The following NKIRAS2 variants were observed in gnomAD, a reference collection of about 807,000 sequenced individuals.
NKIRAS2 encodes NFKB inhibitor interacting Ras like 2, also known as NF-kappa-B inhibitor-interacting Ras-like protein 2.
NKIRAS2 carries 15 observed loss-of-function variants against 20.7 expected under a neutral mutation model. That is an observed-to-expected ratio of 0.73 (90% CI 0.49 to 1.12). The LOEUF is 1.12. NKIRAS2 is among the 50% of genes most tolerant of loss of function. NKIRAS2 has a pLI of 0.00. For synonymous variants in NKIRAS2, 116 were observed against 101.4 expected, an observed-to-expected ratio of 1.14 and a Z score of -0.87; for missense variants, 196 against 249.6, an observed-to-expected ratio of 0.79 and a Z score of 1.45.
In NKIRAS2 at chr17:42,022,477, G is replaced by A. The variant is rs782740704; in HGVS notation, c.173G>A (p.Arg58His). 54 of 1,613,532 alleles carry A rather than the reference G, an allele frequency of 3.3e-5. No individual in the cohort carries two copies. The highest frequency in any genetic ancestry group is 4.4e-5 in the Non-Finnish European group (52 of 1,179,606). ...ETDRGVREQV[R>H]FYDTRGLRDG... Reference sequence around the variant, plus strand: ...GACCGGGGGGTGCGAGAGCAGGTGCGTTTCTATGACACCCGGGGGCTCCGA... The same window carrying A: ...GACCGGGGGGTGCGAGAGCAGGTGCATTTCTATGACACCCGGGGGCTCCGA... Residue 58 changes from arginine (R) to histidine (H), a missense_variant, in exon 3 of 4, where the codon CGT becomes CAT. Arg to His is a conservative substitution (Grantham distance 29, BLOSUM62 0). Transcript: ENST00000393885.
chr17:42,017,783 G>A (rs2052347973), upstream of NKIRAS2: 1 of 330,046 alleles, frequency 3.0e-6, no homozygotes, highest in Non-Finnish European at 5.7e-6. Context: ...TGGAGTCTGG[G>A]TTGCGTGGGG....
At chr17:42,018,848 G>T (rs2143417316), upstream of NKIRAS2, among the ~76,000 whole-genome samples, 1 of 152,144 alleles carries the variant, frequency 6.6e-6, no homozygotes, top group South Asian at 2.1e-4. Context: ...CTATCTACTG[G>T]ATATCTCTTG....
chr17:42,025,133 CG>C lies in NKIRAS2; in HGVS notation c.*1241del, dbSNP rs2052546193. 6.6e-6 allele frequency: 1 copy of C among 152,620 alleles called. No homozygotes were observed. Among genetic ancestry groups the C allele is most frequent in the Admixed American group, 6.5e-5 (1 of 15,282 alleles). The allele number at this position is 152,620 out of a possible 1,614,324, so 9.5% of individuals were successfully genotyped here. ...ACCTGCTGTCAGTCACCAGAGTGGC[CG>C]CTCAGTGCCCAGCCCGCCAGCCTCG... On this transcript the variant is annotated 3_prime_UTR_variant, in exon 4 of 4. Coordinates refer to ENST00000393885, the MANE Select transcript of NKIRAS2 (RefSeq NM_017595.6).
In NKIRAS2 at chr17:42,022,629, G is replaced by T; in HGVS notation, c.325G>T (p.Asp109Tyr). 6.2e-7 allele frequency: 1 copy of T among 1,612,782 alleles called. No individual in the cohort carries two copies. Among genetic ancestry groups the T allele is most frequent in the Non-Finnish European group, 8.5e-7 (1 of 1,178,934 alleles). The change falls in exon 3 of 4, where the codon GAC becomes TAC. Residue 109 changes from aspartate to tyrosine, a missense_variant. By Grantham distance (160) the Asp-to-Tyr change is radical. Coordinates refer to ENST00000393885, the MANE Select transcript of NKIRAS2 (RefSeq NM_017595.6). ...CAAGAAGGAGATTGACAAATCCAAG[G>T]ACAAGAAGGAGGTGTGTGGCATAGG... ...LLKKEIDKSKDKKEVTIVVLG... is the reference protein window; with the variant it reads ...LLKKEIDKSKYKKEVTIVVLG...
rs1282701013 is a variant in NKIRAS2 at position 42,024,777 on chromosome 17, G to GA, written c.*898dup. ...CAACAGAGCAAGACTCCATCTCGAA[G>GA]AAAAAAAAAAAAAATTCCCCACCCC... On this transcript the variant is annotated 3_prime_UTR_variant, in exon 4 of 4. Coordinates refer to ENST00000393885, the MANE Select transcript of NKIRAS2 (RefSeq NM_017595.6). The GA allele has an allele frequency of 3.6e-5, 2 of 54,840 alleles. No homozygotes were observed. Among genetic ancestry groups the GA allele is most frequent in the Non-Finnish European group, 1.0e-4 (2 of 19,752 alleles). 3.4% of individuals were successfully genotyped at this position (54,840 alleles called of 1,614,324 possible).
rs1184488158 is a variant in NKIRAS2, at chr17:42,024,944, C to T, written c.*1051C>T. ...TTCCCCTCTCTGGGCATCAGTTTCT[C>T]ATCTGTAAGATGACCAGAGTTGCTT... On this transcript the variant is annotated 3_prime_UTR_variant, in exon 4 of 4. Transcript: ENST00000393885. 6.5e-6 allele frequency: 1 copy of T among 152,674 alleles called. No homozygotes were observed. The highest frequency in any genetic ancestry group is 1.5e-5 in the Non-Finnish European group (1 of 68,060). The allele number at this position is 152,674 out of a possible 1,614,324, so 9.5% of individuals were successfully genotyped here.
intron 3 of NKIRAS2, chr17:42,023,148 G>A: frequency 3.5e-6 from 1 of 284,868 alleles, no homozygotes; most frequent in Non-Finnish European, 7.2e-6. Context: ...ACAGGTGCAT[G>A]CCACCACACC....
In NKIRAS2 at chr17:42,023,998, C is replaced by T; in HGVS notation, c.*105C>T. 6.7e-6 allele frequency: 10 copies of T among 1,492,554 alleles called. No homozygotes were observed. Among genetic ancestry groups the T allele is most frequent in the Non-Finnish European group, 8.9e-6 (10 of 1,123,494 alleles). 92.5% of individuals were successfully genotyped at this position (1,492,554 alleles called of 1,614,324 possible). A position where few individuals can be genotyped will look rare whatever the true frequency, so the allele number is the denominator to read the frequency against. On this transcript the variant is annotated 3_prime_UTR_variant, in exon 4 of 4. Transcript: ENST00000393885. ...AGGACAAGCTGTCTTTCCCAGTCAG[C>T]CAGGGAGCTCCCCGCCAGGCCACGC...
Position 42,023,968 on chromosome 17 carries a change from A to C in NKIRAS2, c.*75A>C. The C allele has an allele frequency of 6.4e-7, 1 of 1,559,576 alleles. No individual in the cohort carries two copies. Among genetic ancestry groups the C allele is most frequent in the Non-Finnish European group, 8.7e-7 (1 of 1,154,508 alleles). Reference sequence around the variant, plus strand: ...GCTCTGGTAGATGTGTTGAGGGCAAAGTAGAGGACAAGCTGTCTTTCCCAG... The same window carrying C: ...GCTCTGGTAGATGTGTTGAGGGCAACGTAGAGGACAAGCTGTCTTTCCCAG... On this transcript the variant is annotated 3_prime_UTR_variant, in exon 4 of 4. Coordinates refer to ENST00000393885, the MANE Select transcript of NKIRAS2 (RefSeq NM_017595.6).
upstream of NKIRAS2, chr17:42,017,652 G>A: frequency 5.1e-6 from 3 of 585,112 alleles, no homozygotes; most frequent in East Asian, 3.0e-5. Context: ...CACTTTACCC[G>A]TGGGTGGGAA....
chr17:42,023,615 G>T, intron 3 of NKIRAS2, 39 bp from the exon 4 acceptor site: 1 of 1,589,054 alleles, frequency 6.3e-7, no homozygotes, highest in South Asian at 1.1e-5. Context: ...CTGGTTCTAT[G>T]GTACATTCAC....
upstream of NKIRAS2, chr17:42,017,732 T>G: frequency 6.5e-6 from 3 of 461,572 alleles, no homozygotes; most frequent in Non-Finnish European, 7.8e-6. Flanking sequence ...CTCATTGCCA[T>G]AGCAACTTCC....
In NKIRAS2 at chr17:42,023,755, G is replaced by A. The variant is rs782503911; in HGVS notation, c.438G>A (p.Leu146=). ...QHWAKSEKVK[L]WEVSVADRRS... Reference sequence around the variant, plus strand: ...GGGCCAAGTCAGAGAAGGTGAAGCTGTGGGAGGTGTCAGTGGCGGACCGGC... The same window carrying A: ...GGGCCAAGTCAGAGAAGGTGAAGCTATGGGAGGTGTCAGTGGCGGACCGGC... Residue 146 remains leucine, a synonymous_variant, in exon 4 of 4, where the codon CTG becomes CTA. Coordinates refer to ENST00000393885, the MANE Select transcript of NKIRAS2 (RefSeq NM_017595.6). The A allele has an allele frequency of 6.2e-7, 1 of 1,614,158 alleles. No homozygotes were observed. The highest frequency in any genetic ancestry group is 1.1e-5 in the South Asian group (1 of 91,090).
upstream of NKIRAS2, among the ~76,000 whole-genome samples, chr17:42,019,330 A>G (rs536500174): frequency 1.2e-4 from 18 of 152,158 alleles, no homozygotes; most frequent in South Asian, 1.0e-3. Flanking sequence ...GAATACATCA[A>G]TAGTCTCCTA....
upstream of NKIRAS2, chr17:42,017,699 G>A: frequency 1.8e-6 from 1 of 543,170 alleles, no homozygotes; most frequent in Non-Finnish European, 3.3e-6. Context: ...CTAGGGCTTG[G>A]CTGCTTTCAG....
At chr17:42,019,946 C>G (rs2052397798), upstream of NKIRAS2, 1 of 152,298 alleles carries the variant, frequency 6.6e-6, no homozygotes, top group Non-Finnish European at 1.5e-5. Context: ...GAACCTTGGG[C>G]TCCCGCGCAC....
chr17:42,021,413 A>T, intron 1 of NKIRAS2, 151 bp from the exon 2 acceptor site: 1 of 635,442 alleles, frequency 1.6e-6, no homozygotes, highest in South Asian at 1.8e-5. Flanking sequence ...GTTTAGAACT[A>T]TACATTCAGT....
chr17:42,025,149 C>T lies in NKIRAS2; in HGVS notation c.*1256C>T, dbSNP rs782069269. On this transcript the variant is annotated 3_prime_UTR_variant, in exon 4 of 4. Coordinates refer to ENST00000393885, the MANE Select transcript of NKIRAS2 (RefSeq NM_017595.6). ...CAGAGTGGCCGCTCAGTGCCCAGCC[C>T]GCCAGCCTCGCTCTTGGAGGCTGCT... 4 of 152,646 alleles carry T rather than the reference C, an allele frequency of 2.6e-5. No individual in the cohort carries two copies. The highest frequency in any genetic ancestry group is 5.9e-5 in the Non-Finnish European group (4 of 68,064). The allele number at this position is 152,646 out of a possible 1,614,324, so 9.5% of individuals were successfully genotyped here.
chr17:42,023,123 C>T (rs1020531745), intron 3 of NKIRAS2: 9 of 328,238 alleles, frequency 2.7e-5, no homozygotes, highest in Middle Eastern at 1.1e-3. Flanking sequence ...CCTGCCTCAG[C>T]CCCCTGCTAA....
Sources: allele counts gnomAD v4.1 joint callset (sites outside exome capture counted in the v4.1 genomes callset), GRCh38; gene constraint gnomAD v4.1.1; transcripts MANE v1.5; gene names NCBI Gene and HGNC (gene_info 2026-07-23, HGNC 2026-07-21).